Variants in ATM observed in about 807,000 individuals in gnomAD.
The protein encoded by ATM is ATM serine/threonine kinase, also known as serine-protein kinase ATM.
ATM carries 308 observed loss-of-function variants against 387.0 expected under a neutral mutation model. The ratio of observed to expected loss-of-function variants is 0.80; its 90% CI spans 0.73 to 0.87. ATM has a LOEUF of 0.87. Ranked by LOEUF, ATM falls within the 40% of genes least tolerant of loss-of-function variation. The pLI, the probability that ATM is intolerant of heterozygous loss-of-function variation, is 0.00. For synonymous variants in ATM, 1,156 were observed against 1,187.3 expected (o/e 0.97, Z 0.54); for missense variants, 3,312 against 3,560.9 (o/e 0.93, Z 1.78).
chr11:108,358,197 G>A (rs1002530239), intron 61 of ATM, among the ~76,000 whole-genome samples: 50 of 151,466 alleles, frequency 3.3e-4, no homozygotes, highest in African/African-American at 6.3e-4. Context: ...GGGTATCAGC[G>A]ATGGAAGATG....
rs1388560633 is a variant in ATM, at chr11:108,325,228, G to A, written c.6573-82G>A. The A allele has an allele frequency of 6.4e-6, 6 of 941,978 alleles. No individual in the cohort carries two copies. The Middle Eastern group carries it at 8.1e-4, about 127-fold the overall frequency. 58.4% of individuals were successfully genotyped at this position (941,978 alleles called of 1,614,324 possible). On this transcript the variant is annotated intron_variant, in intron 45 of 62. Coordinates refer to ENST00000675843, the MANE Select transcript of ATM (RefSeq NM_000051.4). The stretch of plus-strand genomic sequence containing the variant: ...CTTTGTATTATTATAATATTATATC[G>A]TAAGTTCCAGAACTTACATAGTTTT...
intron 59 of ATM, among the ~76,000 whole-genome samples, chr11:108,350,003 A>G (rs564624203): frequency 6.6e-6 from 1 of 152,280 alleles, no homozygotes; most frequent in African/African-American, 2.4e-5. Flanking sequence ...TTGCTGAGAA[A>G]TAGAAAGCAT....
At position 108,264,776 on chromosome 11, in the gene ATM, C is replaced by G. The variant is rs557133921; in HGVS notation, c.2467-2395C>G. Among the ~76,000 whole-genome samples, 262 of 121,376 alleles carry G rather than the reference C, an allele frequency of 2.2e-3. 3 individuals are homozygous for G. The highest frequency in any genetic ancestry group is 8.4e-3 in the African/African-American group (259 of 30,794). 79.6% of individuals were successfully genotyped at this position (121,376 alleles called of 152,430 possible). ...ATCTCCTTAAGCTGATAAGCAACTT[C>G]AGCAAAGTCTCAGGATACAAAATCA... is the stretch of plus-strand genomic sequence containing the variant. On this transcript the variant is annotated intron_variant, in intron 16 of 62. Transcript: ENST00000675843.
Position 108,259,013 on chromosome 11 carries a change from T to G in ATM, c.2404T>G (p.Phe802Val). 1 of 1,613,732 alleles carries G rather than the reference T, an allele frequency of 6.2e-7. No individual in the cohort carries two copies. Residue 802 changes from phenylalanine (F) to valine (V), a missense_variant, in exon 16 of 63, where the codon TTT becomes GTT. Phe to Val is a conservative substitution (Grantham distance 50). Coordinates refer to ENST00000675843, the MANE Select transcript of ATM (RefSeq NM_000051.4). ...GAGTCCAAATAAGATTGCATCTGGCTTTTTCCTGCGATTGTTAACATCAAA... is the reference window on the plus strand; with the variant it reads ...GAGTCCAAATAAGATTGCATCTGGCGTTTTCCTGCGATTGTTAACATCAAA... The part of the protein sequence containing the change: ...KKSPNKIASG[F>V]FLRLLTSKLM...
rs878853532 is a variant in ATM, at chr11:108,321,384, T to C, written c.6536T>C (p.Ile2179Thr). ...CCCACACTTAGCAGGTTGCAGGCCA[T>C]TGGAGAGCTGGAAAGCATTGGGGAG... ...LYPTLSRLQA[I>T]GELESIGELF... The change falls in exon 45 of 63, where the codon ATT (isoleucine) becomes ACT (threonine). Residue 2179 changes from isoleucine to threonine, a missense_variant. This residue lies in a region of ATM where 1,405 missense variants were observed against 1,604.4 expected (regional missense o/e 0.88). Transcript: ENST00000675843. The C allele has an allele frequency of 6.8e-6, 11 of 1,614,074 alleles. No individual in the cohort carries two copies. Among genetic ancestry groups the C allele is most frequent in the East Asian group, 2.2e-5 (1 of 44,892 alleles).
At chr11:108,234,531 T>C (rs961871590) in intron 4 of ATM, among the ~76,000 whole-genome samples, 2 of 152,176 alleles carry the variant, frequency 1.3e-5, no homozygotes, top group Non-Finnish European at 2.9e-5. Flanking sequence ...AATAACATGC[T>C]GTTAAAAATG....
intron 5 of ATM, among the ~76,000 whole-genome samples, chr11:108,238,638 T>C (rs1280001460): frequency 6.6e-6 from 1 of 152,192 alleles, no homozygotes; most frequent in African/African-American, 2.4e-5. Flanking sequence ...GGGACCTTGC[T>C]AAAATCACTT....
At chr11:108,253,380 A>G (rs770631270) in intron 12 of ATM, among the ~76,000 whole-genome samples, 1 of 152,138 alleles carries the variant, frequency 6.6e-6, no homozygotes, top group Non-Finnish European at 1.5e-5. Flanking sequence ...ACTGGCACAA[A>G]CATTCCTTAT....
chr11:108,304,651 G>T (rs2135941948), intron 36 of ATM, 24 bp from the exon 37 acceptor site: 1 of 1,607,144 alleles, frequency 6.2e-7, no homozygotes, highest in Non-Finnish European at 8.5e-7. Context: ...CAAACTATTG[G>T]GTGGATTTGT....
chr11:108,265,978 G>C (rs1565413166), intron 16 of ATM, among the ~76,000 whole-genome samples: 1 of 151,462 alleles, frequency 6.6e-6, no homozygotes, highest in African/African-American at 2.4e-5. Context: ...AAAAAGTCAG[G>C]AAACAACAGG....
Position 108,234,639 on chromosome 11 carries a change from C to T in ATM, c.332-1031C>T, listed in dbSNP as rs79001052. On this transcript the variant is annotated intron_variant, in intron 4 of 62. Coordinates refer to ENST00000675843, the MANE Select transcript of ATM (RefSeq NM_000051.4). ...ATCCCTTGAGCTCAGGAGTTCAAGA[C>T]CAGCCTGGGGAACATTGTGAGAGAT... Among the ~76,000 whole-genome samples the T allele has an allele frequency of 5.1e-3, 771 of 152,174 alleles. 9 individuals carry two copies. The highest frequency in any genetic ancestry group is 0.016 in the African/African-American group (663 of 41,506).
chr11:108,338,594 G>A (rs1309690631), intron 56 of ATM, among the ~76,000 whole-genome samples: 1 of 151,928 alleles, frequency 6.6e-6, no homozygotes, highest in Non-Finnish European at 1.5e-5. Context: ...GTTTGGGGCT[G>A]TGCATGAGCT....
At chr11:108,314,648 C>G (rs1187965395) in intron 40 of ATM, among the ~76,000 whole-genome samples, 1 of 151,788 alleles carries the variant, frequency 6.6e-6, no homozygotes, top group Non-Finnish European at 1.5e-5. Context: ...AGGTGCTAAC[C>G]CCCTGTGCTA....
At chr11:108,324,674 T>C (rs955454832) in intron 45 of ATM, among the ~76,000 whole-genome samples, 2 of 152,244 alleles carry the variant, frequency 1.3e-5, no homozygotes, top group Admixed American at 6.5e-5. Flanking sequence ...TTACTCTCCC[T>C]GCTTCCTCTT....
chr11:108,335,992 A>G (rs1410906156), intron 56 of ATM, 31 bp downstream of exon 56: 22 of 1,522,082 alleles, frequency 1.4e-5, no homozygotes, highest in Admixed American at 5.0e-5. Flanking sequence ...TAGTTCACCA[A>G]AAACATATAA....
intron 22 of ATM, among the ~76,000 whole-genome samples, chr11:108,276,717 C>T (rs2081967950): frequency 6.6e-6 from 1 of 152,176 alleles, no homozygotes. Context: ...AAGATTGCTG[C>T]CTGTTCCTTC....
At chr11:108,267,399 T>C (rs2135511072) in intron 17 of ATM, 57 bp downstream of exon 17, 2 of 1,499,852 alleles carry the variant, frequency 1.3e-6, no homozygotes, top group Non-Finnish European at 1.9e-6. Context: ...GATTTGGCAG[T>C]ATAAGAGGCC....
chr11:108,272,284 A>G (rs572272372), intron 20 of ATM, among the ~76,000 whole-genome samples: 6 of 152,346 alleles, frequency 3.9e-5, no homozygotes, highest in East Asian at 1.9e-4. Context: ...TAGCCATTCT[A>G]TGGTAGCCCC....
chr11:108,308,073 G>A (rs1463392446), intron 38 of ATM, 89 bp downstream of exon 38: 2 of 1,222,774 alleles, frequency 1.6e-6, no homozygotes, highest in East Asian at 2.5e-5. Flanking sequence ...TATTTTAGGT[G>A]AAGGTGTTGC....
Sources: gnomAD v4.1 joint callset for allele counts (sites outside exome capture counted in the v4.1 genomes callset) on GRCh38, gnomAD v4.1.1 for gene constraint, gnomAD v4.1.1 regional missense constraint, MANE v1.5 for transcripts, NCBI Gene and HGNC (gene_info 2026-07-23, HGNC 2026-07-21) for gene names.